ATF6: variants seen among roughly 807,000 people sequenced by gnomAD.
ATF6 encodes cyclic AMP-dependent transcription factor ATF-6 alpha.
In ATF6, 53 loss-of-function variants were observed where a neutral mutation model predicts 83.6. The observed-to-expected ratio is 0.63, with a 90% CI of 0.51 to 0.80. The LOEUF is 0.80. Among genes scored for constraint, ATF6 ranks in the 30% least tolerant of loss-of-function variants. The pLI, the probability that ATF6 is intolerant of heterozygous loss-of-function variation, is 0.00. For missense variants in ATF6, 744 were observed against 797.9 expected (o/e 0.93, Z 0.81); for synonymous variants, 288 against 285.8 (o/e 1.01, Z -0.08).
intron 12 of ATF6, among the ~76,000 whole-genome samples, chr1:161,858,931 C>T (rs1686821587): frequency 6.6e-6 from 1 of 152,198 alleles, no homozygotes; most frequent in South Asian, 2.1e-4. Context: ...TTTCAAACTT[C>T]TTTGCTCATT....
At chr1:161,894,035 T>C (rs1687616454) in intron 14 of ATF6, among the ~76,000 whole-genome samples, 2 of 152,184 alleles carry the variant, frequency 1.3e-5, no homozygotes, top group South Asian at 4.1e-4. Flanking sequence ...ATAAAGTCCC[T>C]ACTTCTGCAA....
At position 161,957,254 on chromosome 1, in the gene ATF6, A is replaced by T. The variant is rs570190713; in HGVS notation, c.1805-1192A>T. Reference sequence around the variant, plus strand: ...TTGGAAAAGCCAAACATTTAATTTTAAAAATCACTGGTTGGCTCTGTGTCA... The same window carrying T: ...TTGGAAAAGCCAAACATTTAATTTTTAAAATCACTGGTTGGCTCTGTGTCA... On this transcript the variant is annotated intron_variant, in intron 15 of 15. Transcript: ENST00000367942. Among the ~76,000 whole-genome samples, 3 of 152,280 alleles carry T rather than the reference A, an allele frequency of 2.0e-5. No homozygotes were observed. In the South Asian group the frequency reaches 6.2e-4, roughly 32 times the overall value.
At chr1:161,811,249 A>T (rs1264816879) in intron 7 of ATF6, among the ~76,000 whole-genome samples, 1 of 152,262 alleles carries the variant, frequency 6.6e-6, no homozygotes, top group African/African-American at 2.4e-5. Context: ...CTGAAGGGAT[A>T]TTCCCTCTGA....
intron 7 of ATF6, among the ~76,000 whole-genome samples, chr1:161,810,982 A>G (rs779626534): frequency 2.0e-5 from 3 of 152,138 alleles, no homozygotes; most frequent in African/African-American, 4.8e-5. Flanking sequence ...ATATGGATAT[A>G]CCACATTTTT....
chr1:161,887,843 C>T (rs1687459825), intron 14 of ATF6, among the ~76,000 whole-genome samples: 1 of 152,186 alleles, frequency 6.6e-6, no homozygotes, highest in African/African-American at 2.4e-5. Context: ...CATCATGAAT[C>T]CTGCTGGGCT....
chr1:161,783,481 T>C (rs772910125), intron 3 of ATF6, among the ~76,000 whole-genome samples: 4 of 152,200 alleles, frequency 2.6e-5, no homozygotes, highest in Non-Finnish European at 4.4e-5. Context: ...TTAAAAGATA[T>C]GAACATTTTT....
chr1:161,894,696 G>A (rs1485959183), intron 14 of ATF6, among the ~76,000 whole-genome samples: 1 of 139,466 alleles, frequency 7.2e-6, no homozygotes, highest in Non-Finnish European at 1.5e-5. Flanking sequence ...CCACTAAGCC[G>A]GGCTAATTTT....
intron 15 of ATF6, among the ~76,000 whole-genome samples, chr1:161,942,481 G>C (rs1217970704): frequency 3.9e-5 from 6 of 152,132 alleles, no homozygotes; most frequent in Non-Finnish European, 8.8e-5. Flanking sequence ...ACCACCCTAT[G>C]GGTTAGGTAT....
intron 14 of ATF6, among the ~76,000 whole-genome samples, chr1:161,904,563 G>A (rs1687846789): frequency 6.6e-6 from 1 of 151,890 alleles, no homozygotes; most frequent in Non-Finnish European, 1.5e-5. Flanking sequence ...ACTCCAGCCT[G>A]GGTGACAGAA....
At chr1:161,772,244 C>A (rs924146782) in intron 1 of ATF6, among the ~76,000 whole-genome samples, 4 of 152,136 alleles carry the variant, frequency 2.6e-5, no homozygotes, top group Non-Finnish European at 5.9e-5. Context: ...TGGTAGGTTT[C>A]TCTTGGATAA....
intron 14 of ATF6, chr1:161,891,909 T>G (rs912921064): frequency 1.3e-5 from 2 of 152,238 alleles, no homozygotes; most frequent in African/African-American, 4.8e-5. Flanking sequence ...AAGACTGCCA[T>G]TTTTAAAAGC....
chr1:161,832,691 G>A (rs994755083), intron 9 of ATF6, among the ~76,000 whole-genome samples: 1 of 152,204 alleles, frequency 6.6e-6, no homozygotes, highest in African/African-American at 2.4e-5. Context: ...ACTGCAAGGC[G>A]GCAGCGAGGC....
At chr1:161,830,131 A>G (rs985136835) in intron 9 of ATF6, among the ~76,000 whole-genome samples, 6 of 152,206 alleles carry the variant, frequency 3.9e-5, no homozygotes, top group African/African-American at 1.4e-4. Flanking sequence ...TGCAAAAATC[A>G]CAAGCATTCT....
chr1:161,948,241 ATCT>A (rs1202568762), intron 15 of ATF6, among the ~76,000 whole-genome samples: 1 of 152,202 alleles, frequency 6.6e-6, no homozygotes, highest in African/African-American at 2.4e-5. Context: ...AGTACTTTTT[ATCT>A]GAATAATATG....
intron 9 of ATF6, among the ~76,000 whole-genome samples, chr1:161,832,932 G>C (rs1351871620): frequency 1.3e-5 from 2 of 152,220 alleles, no homozygotes; most frequent in African/African-American, 4.8e-5. Flanking sequence ...TGCAGCTTGA[G>C]ATCTGAGAAC....
intron 9 of ATF6, among the ~76,000 whole-genome samples, chr1:161,837,412 C>T (rs1686250661): frequency 6.6e-6 from 1 of 152,144 alleles, no homozygotes; most frequent in Non-Finnish European, 1.5e-5. Flanking sequence ...TGCCTTTGGA[C>T]TTTTTGGTGT....
intron 14 of ATF6, among the ~76,000 whole-genome samples, chr1:161,907,705 A>G (rs1394990887): frequency 2.0e-5 from 3 of 152,222 alleles, no homozygotes; most frequent in African/African-American, 7.2e-5. Flanking sequence ...AATACTGGCT[A>G]AAATAATTTT....
intron 9 of ATF6, among the ~76,000 whole-genome samples, chr1:161,827,994 G>A (rs562276518): frequency 4.6e-5 from 7 of 152,172 alleles, no homozygotes; most frequent in African/African-American, 1.4e-4. Context: ...AGCAGGGACT[G>A]GCTAAACAGG....
chr1:161,848,272 A>G (rs1011195191), intron 10 of ATF6, among the ~76,000 whole-genome samples: 1 of 152,154 alleles, frequency 6.6e-6, no homozygotes, highest in African/African-American at 2.4e-5. Flanking sequence ...AAAAGATACC[A>G]AAAAATGTTT....
Sources: allele counts gnomAD v4.1 joint callset (sites outside exome capture counted in the v4.1 genomes callset), GRCh38; gene constraint gnomAD v4.1.1; transcripts MANE v1.5; gene names NCBI Gene and HGNC (gene_info 2026-07-23, HGNC 2026-07-21).